NEDD4: variants seen among roughly 807,000 people sequenced by gnomAD.
NEDD4 encodes the protein E3 ubiquitin-protein ligase NEDD4.
A neutral mutation model predicts 144.9 loss-of-function variants in NEDD4; 99 were observed. The observed-to-expected ratio is 0.68, with a 90% CI of 0.58 to 0.81. The LOEUF is 0.81. Ranked by LOEUF, NEDD4 falls within the 30% of genes least tolerant of loss-of-function variation. The pLI, the probability that NEDD4 is intolerant of heterozygous loss-of-function variation, is 0.00. For synonymous variants in NEDD4, 318 were observed against 350.6 expected, an observed-to-expected ratio of 0.91 and a Z score of 1.04; for missense variants, 985 against 1,065.9, an observed-to-expected ratio of 0.92 and a Z score of 1.06.
rs2032734758 is a variant in NEDD4 at position 55,827,183 on chromosome 15, T to C, written c.*2714A>G. The C allele has an allele frequency of 6.6e-6, 1 of 152,202 alleles. No individual in the cohort carries two copies. Among genetic ancestry groups the C allele is most frequent in the African/African-American group, 2.4e-5 (1 of 41,452 alleles). 9.4% of individuals were successfully genotyped at this position (152,202 alleles called of 1,614,324 possible). ...AAATTTGAGTTCTGATGAAATGCAT[T>C]TGTAATACAATTTTGTTAAAAATTT... On this transcript the variant is annotated 3_prime_UTR_variant, in exon 29 of 29. Transcript: ENST00000435532.
rs1225445255 is a variant in NEDD4 at position 55,896,081 on chromosome 15, CAGCCTTCT to C, written c.292-22081_292-22074del. 2.0e-5 allele frequency among the ~76,000 whole-genome samples: 3 copies of C among 152,182 alleles called. No homozygotes were observed. The East Asian group carries it at 5.8e-4, about 29-fold the overall frequency. ...AGTTTGTTTTTTCCAATCTACCTTGCAGCCTTCTATTAACAAAAGCCCCCCAATAGCTG... is the reference window on the plus strand; with the variant it reads ...AGTTTGTTTTTTCCAATCTACCTTGCATTAACAAAAGCCCCCCAATAGCTG... On this transcript the variant is annotated intron_variant, in intron 5 of 28. Coordinates refer to ENST00000435532, the MANE Select transcript of NEDD4 (RefSeq NM_006154.4).
intron 1 of NEDD4, among the ~76,000 whole-genome samples, chr15:55,980,486 T>C (rs898124749): frequency 8.5e-5 from 13 of 152,128 alleles, no homozygotes; most frequent in African/African-American, 2.2e-4. Context: ...AATGGTAGGT[T>C]CAGATCATTC....
At chr15:55,883,463 G>A (rs1193761380) in intron 5 of NEDD4, among the ~76,000 whole-genome samples, 2 of 152,072 alleles carry the variant, frequency 1.3e-5, no homozygotes, top group African/African-American at 2.4e-5. Context: ...GTAACTTGCT[G>A]CCCTGAAGAG....
chr15:55,928,211 C>T lies in NEDD4; in HGVS notation c.238-3512G>A, dbSNP rs140078994. On this transcript the variant is annotated intron_variant, in intron 4 of 28. Coordinates refer to ENST00000435532, the MANE Select transcript of NEDD4 (RefSeq NM_006154.4). ...TTTTTTAGTAGAGACAGGGTTTCAC[C>T]GTGTTGGCCAGGCTGGTCTCGAACC... 1.4e-3 allele frequency among the ~76,000 whole-genome samples: 206 copies of T among 152,196 alleles called. 1 individual carries two copies. The highest frequency in any genetic ancestry group is 4.9e-3 in the African/African-American group (202 of 41,518).
At chr15:55,846,600 C>A (rs1220099648) in intron 18 of NEDD4, among the ~76,000 whole-genome samples, 1 of 152,162 alleles carries the variant, frequency 6.6e-6, no homozygotes, top group Non-Finnish European at 1.5e-5. Context: ...ATAAAAAAAT[C>A]CAGACCGTCC....
At chr15:55,895,704 T>A (rs1165323204) in intron 5 of NEDD4, among the ~76,000 whole-genome samples, 1 of 152,200 alleles carries the variant, frequency 6.6e-6, no homozygotes, top group African/African-American at 2.4e-5. Flanking sequence ...TACTAATGCA[T>A]CTGGCCAGCA....
rs191280971 is a variant in NEDD4, at chr15:55,957,078, T to C, written c.120-5489A>G. Among the ~76,000 whole-genome samples, 1,454 of 152,308 alleles carry C rather than the reference T, an allele frequency of 9.5e-3. 14 individuals carry two copies. Among genetic ancestry groups the C allele is most frequent in the Middle Eastern group, 0.041 (12 of 294 alleles). On this transcript the variant is annotated intron_variant, in intron 2 of 28. Coordinates refer to ENST00000435532, the MANE Select transcript of NEDD4 (RefSeq NM_006154.4). The stretch of plus-strand genomic sequence containing the variant: ...ATTGTAAACACGTTTTTAAATTGTA[T>C]TTTCCAATGGCCCAATGATAGGATA...
intron 2 of NEDD4, among the ~76,000 whole-genome samples, chr15:55,958,712 A>C (rs1312281649): frequency 2.0e-5 from 3 of 152,122 alleles, no homozygotes; most frequent in African/African-American, 7.2e-5. Flanking sequence ...ACATCTATTA[A>C]AGTTTTGTAT....
rs1395436891 is a variant in NEDD4 at position 55,828,940 on chromosome 15, A to C, written c.*957T>G. On this transcript the variant is annotated 3_prime_UTR_variant, in exon 29 of 29. Transcript: ENST00000435532. The stretch of plus-strand genomic sequence containing the variant: ...GAAATTAGCTTAATCTGTAAACATG[A>C]TAAACCCTGTAAACATACATTTACT... 3 of 152,662 alleles carry C rather than the reference A, an allele frequency of 2.0e-5. No individual in the cohort carries two copies. Among genetic ancestry groups the C allele is most frequent in the Non-Finnish European group, 4.4e-5 (3 of 68,046 alleles). 9.5% of individuals were successfully genotyped at this position (152,662 alleles called of 1,614,324 possible).
At chr15:55,980,280 T>C (rs1007627249) in intron 1 of NEDD4, among the ~76,000 whole-genome samples, 1 of 152,184 alleles carries the variant, frequency 6.6e-6, no homozygotes, top group South Asian at 2.1e-4. Context: ...ACAGAATACT[T>C]GGCGCACAGT....
intron 1 of NEDD4, among the ~76,000 whole-genome samples, chr15:55,967,556 C>T (rs1205071530): frequency 6.6e-6 from 1 of 151,354 alleles, no homozygotes; most frequent in African/African-American, 2.4e-5. Flanking sequence ...CAGGTGTACA[C>T]TGTACTACTT....
chr15:55,839,365 A>G (rs1386698979), intron 21 of NEDD4, among the ~76,000 whole-genome samples: 2 of 152,114 alleles, frequency 1.3e-5, no homozygotes, highest in African/African-American at 4.8e-5. Context: ...TGAGGAGGCC[A>G]TTGTTTATAC....
intron 5 of NEDD4, among the ~76,000 whole-genome samples, chr15:55,912,227 T>G (rs1382856805): frequency 6.6e-6 from 1 of 152,164 alleles, no homozygotes; most frequent in East Asian, 1.9e-4. Context: ...TTTAGTAAAA[T>G]AAGGACTGGA....
At chr15:55,979,188 A>C (rs1445129290) in intron 1 of NEDD4, among the ~76,000 whole-genome samples, 1 of 151,766 alleles carries the variant, frequency 6.6e-6, no homozygotes, top group African/African-American at 2.4e-5. Flanking sequence ...CCATTCAAAA[A>C]GTAATTATTA....
At chr15:55,921,979 G>C (rs556239766) in intron 5 of NEDD4, among the ~76,000 whole-genome samples, 1 of 152,286 alleles carries the variant, frequency 6.6e-6, no homozygotes, top group East Asian at 1.9e-4. Flanking sequence ...AAATAAAATA[G>C]TTCACCAATA....
At chr15:55,950,618 T>C (rs1175025482) in intron 4 of NEDD4, among the ~76,000 whole-genome samples, 2 of 152,094 alleles carry the variant, frequency 1.3e-5, no homozygotes, top group African/African-American at 4.8e-5. Flanking sequence ...AGCAGTTTCA[T>C]TTGAGTGATG....
chr15:55,945,344 G>C (rs532028986), intron 4 of NEDD4, among the ~76,000 whole-genome samples: 1 of 152,092 alleles, frequency 6.6e-6, no homozygotes, highest in Non-Finnish European at 1.5e-5. Flanking sequence ...TGAAAACCAT[G>C]GCACAAGAAC....
chr15:55,918,477 T>C (rs1045064836), intron 5 of NEDD4, among the ~76,000 whole-genome samples: 1 of 152,090 alleles, frequency 6.6e-6, no homozygotes, highest in African/African-American at 2.4e-5. Context: ...AAAGGTAAAA[T>C]AGTTCCGTTG....
Position 55,917,003 on chromosome 15 carries a change from T to C in NEDD4, c.291+7643A>G, listed in dbSNP as rs545929092. On this transcript the variant is annotated intron_variant, in intron 5 of 28. Coordinates refer to ENST00000435532, the MANE Select transcript of NEDD4 (RefSeq NM_006154.4). ...GTAAAACATTAGATACCAGATATCA[T>C]AGAAAGAAAAAGACGACCCATTCCA... 8.0e-5 allele frequency: 107 copies of C among 1,331,090 alleles called. No individual in the cohort carries two copies. The African/African-American group carries it at 1.4e-3, about 18-fold the overall frequency. The allele number at this position is 1,331,090 out of a possible 1,614,324, so 82.5% of individuals were successfully genotyped here.
Sources: gnomAD v4.1 joint callset for allele counts (sites outside exome capture counted in the v4.1 genomes callset) on GRCh38, gnomAD v4.1.1 for gene constraint, MANE v1.5 for transcripts, NCBI Gene and HGNC (gene_info 2026-07-23, HGNC 2026-07-21) for gene names.